The following PRH1 variants were observed in gnomAD, a reference collection of about 807,000 sequenced individuals.
PRH1 encodes the protein salivary acidic proline-rich phosphoprotein 1/2.
In PRH1, 7 loss-of-function variants were observed where a neutral mutation model predicts 7.9. That is an observed-to-expected ratio of 0.89 (90% CI 0.50 to 1.67). The LOEUF (loss-of-function observed/expected upper bound fraction) is 1.67. Ranked by LOEUF, PRH1 falls within the 40% of genes most tolerant of loss-of-function variation. PRH1 has a pLI of 0.00. For missense variants in PRH1, 109 were observed against 223.6 expected, an observed-to-expected ratio of 0.49 and a Z score of 3.27; for synonymous variants, 45 against 80.8, an observed-to-expected ratio of 0.56 and a Z score of 2.38.
intron 1 of PRH1, among the ~76,000 whole-genome samples, chr12:11,081,087 A>AT (rs1944484192): frequency 9.4e-6 from 1 of 106,362 alleles, no homozygotes; most frequent in South Asian, 2.5e-4. Context: ...TTGTTGCTCT[A>AT]TTTTCTCCCC....
upstream of PRH1, among the ~76,000 whole-genome samples, chr12:10,886,993 T>C (rs934970766): frequency 3.9e-5 from 6 of 152,134 alleles, no homozygotes; most frequent in South Asian, 2.1e-4. Context: ...ACAATCAGAG[T>C]GATCATTTAA....
At chr12:11,165,778 G>A (rs1014871054) in intron 1 of PRH1, among the ~76,000 whole-genome samples, 1 of 152,246 alleles carries the variant, frequency 6.6e-6, no homozygotes, top group Admixed American at 6.5e-5. Flanking sequence ...AATGGCTCCA[G>A]TGGTGGAATG....
chr12:11,076,362 C>T (rs1188962021), intron 1 of PRH1, among the ~76,000 whole-genome samples: 2 of 18,078 alleles, frequency 1.1e-4, no homozygotes, highest in East Asian at 0.012. Flanking sequence ...GAAAGTTTAA[C>T]ATTTAACATT....
intron 1 of PRH1, among the ~76,000 whole-genome samples, chr12:11,038,449 T>C (rs1172830907): frequency 6.6e-6 from 1 of 152,280 alleles, no homozygotes; most frequent in Non-Finnish European, 1.5e-5. Context: ...ACCAATGTAA[T>C]AAATTACAAT....
At chr12:10,938,769 G>A in intron 2 of PRH1, 1 of 1,613,534 alleles carries the variant, frequency 6.2e-7, no homozygotes, top group Non-Finnish European at 8.5e-7. Context: ...ATGTTTATCA[G>A]TGCAATATTT....
chr12:11,114,802 G>A (rs1182614857), intron 1 of PRH1, among the ~76,000 whole-genome samples: 1 of 152,132 alleles, frequency 6.6e-6, no homozygotes, highest in Non-Finnish European at 1.5e-5. Flanking sequence ...GTTTGCTTAT[G>A]CGAACAGTGC....
chr12:11,072,257 G>A (rs1379613189), intron 1 of PRH1, among the ~76,000 whole-genome samples: 21 of 81,266 alleles, frequency 2.6e-4, no homozygotes, highest in African/African-American at 5.6e-4. Flanking sequence ...AAAGTTCCGG[G>A]ATTGCAAGCA....
intron 2 of PRH1, among the ~76,000 whole-genome samples, chr12:10,909,753 C>G (rs1949867587): frequency 6.6e-6 from 1 of 152,118 alleles, no homozygotes; most frequent in Non-Finnish European, 1.5e-5. Flanking sequence ...CTAAATGAAG[C>G]TTTTATGGCT....
At position 10,986,741 on chromosome 12, in the gene PRH1, CT is replaced by C. The variant is rs755088221; in HGVS notation, c.-125-13021del. ...TGAGAATTTGGTCAGCTGAGGAGAT[CT>C]TTTTTCTCTTCACCCAGTCAATGAA... On this transcript the variant is annotated intron_variant, in intron 1 of 3. Transcript: ENST00000539853. 131 of 1,612,454 alleles carry C rather than the reference CT, an allele frequency of 8.1e-5. 1 individual carries two copies. In the African/African-American group the frequency reaches 1.6e-3, roughly 19 times the overall value.
At chr12:10,908,937 TAG>T (rs1565464389) in intron 2 of PRH1, 1 of 1,613,368 alleles carries the variant, frequency 6.2e-7, no homozygotes, top group Non-Finnish European at 8.5e-7. Context: ...CCACTTCAAA[TAG>T]AGAAAAGCAG....
At chr12:10,884,093 C>G in intron 1 of PRH1, 61 bp downstream of exon 1, 1 of 1,604,156 alleles carries the variant, frequency 6.2e-7, no homozygotes, top group Non-Finnish European at 8.5e-7. Context: ...CTTTCCTCCT[C>G]TATAGCATTT....
At chr12:10,998,572 G>A (rs7312325) in intron 1 of PRH1, among the ~76,000 whole-genome samples, 149,352 of 152,276 alleles carry the variant, frequency 0.98, 73,291 homozygotes, top group Middle Eastern at 1. Flanking sequence ...TTCAAGGATG[G>A]AAGGAATTGC....
intron 1 of PRH1, among the ~76,000 whole-genome samples, chr12:11,168,400 G>GGA (rs1293882156): frequency 1.0e-4 from 5 of 47,920 alleles, no homozygotes; most frequent in African/African-American, 2.3e-4. Context: ...AAGAAAGAAA[G>GGA]AAAGAAAGAA....
chr12:10,881,939 A>G (rs939626417), intron 3 of PRH1, among the ~76,000 whole-genome samples: 9 of 152,166 alleles, frequency 5.9e-5, no homozygotes, highest in Non-Finnish European at 1.2e-4. Context: ...GAGAGAGCCA[A>G]AGGGGGAACA....
chr12:11,001,379 G>A (rs770199189), intron 1 of PRH1, among the ~76,000 whole-genome samples: 27 of 152,046 alleles, frequency 1.8e-4, no homozygotes, highest in Non-Finnish European at 3.5e-4. Context: ...TCACTATCAG[G>A]TGAGATATAG....
At chr12:10,978,237 G>C (rs1939198337) in intron 1 of PRH1, among the ~76,000 whole-genome samples, 2 of 152,080 alleles carry the variant, frequency 1.3e-5, no homozygotes, top group Non-Finnish European at 2.9e-5. Context: ...CAAGGAAATG[G>C]AATAGAGAGC....
At chr12:11,168,213 GAAGAAAGA>G (rs869102236) in intron 1 of PRH1, among the ~76,000 whole-genome samples, 59 of 19,614 alleles carry the variant, frequency 3.0e-3, no homozygotes, top group South Asian at 6.7e-3. Context: ...AAGAAAGAAA[GAAGAAAGA>G]AAGAAAGAAA....
intron 2 of PRH1, among the ~76,000 whole-genome samples, chr12:10,934,977 A>T (rs1219381978): frequency 6.6e-6 from 1 of 152,192 alleles, no homozygotes; most frequent in Non-Finnish European, 1.5e-5. Context: ...GATGGAGTAT[A>T]TTGAGCACTA....
intron 2 of PRH1, among the ~76,000 whole-genome samples, chr12:10,901,228 C>T (rs1027637483): frequency 1.2e-4 from 19 of 152,170 alleles, no homozygotes; most frequent in African/African-American, 4.6e-4. Context: ...CCTGAGTCAC[C>T]CCATTTACCC....
Sources: allele counts gnomAD v4.1 joint callset (sites outside exome capture counted in the v4.1 genomes callset), GRCh38; gene constraint gnomAD v4.1.1; transcripts MANE v1.5; gene names NCBI Gene and HGNC (gene_info 2026-07-23, HGNC 2026-07-21).